FRMD4B: variants seen among roughly 807,000 people sequenced by gnomAD.
FRMD4B encodes the protein FERM domain containing 4B.
In FRMD4B, 74 loss-of-function variants were observed where a neutral mutation model predicts 141.5. That is an observed-to-expected ratio of 0.52 (90% CI 0.43 to 0.63). The LOEUF (loss-of-function observed/expected upper bound fraction) is 0.63, where lower values mean the gene tolerates loss of function less well. FRMD4B is among the 30% of genes least tolerant of loss of function. The pLI is 0.00. For missense variants in FRMD4B, 1,366 were observed against 1,253.4 expected (o/e 1.09, Z -1.36); for synonymous variants, 506 against 467.9 (o/e 1.08, Z -1.05).
chr3:69,208,007 G>A (rs868627762), intron 11 of FRMD4B, among the ~76,000 whole-genome samples: 1 of 152,026 alleles, frequency 6.6e-6, no homozygotes, highest in Non-Finnish European at 1.5e-5. Flanking sequence ...AGCCTCCCAA[G>A]TAGCTGGGAT....
chr3:69,193,848 C>G lies in FRMD4B; in HGVS notation c.1514G>C (p.Ser505Thr). ...EEDPALQELE[S>T]NFLIQQKLVE... ...CAGCTTTTGTTGTATTAGAAAATTA[C>G]TCTCCAGTTCTTGCAAAGCAGGATC... The change falls in exon 17 of 23, where the codon AGT (serine) becomes ACT (threonine). Residue 505 changes from serine to threonine, a missense_variant. Ser to Thr is a moderately conservative substitution (Grantham distance 58). Transcript: ENST00000398540. 1 of 1,611,432 alleles carries G rather than the reference C, an allele frequency of 6.2e-7. No individual in the cohort carries two copies. The highest frequency in any genetic ancestry group is 8.5e-7 in the Non-Finnish European group (1 of 1,178,096).
intron 16 of FRMD4B, among the ~76,000 whole-genome samples, chr3:69,194,541 T>C (rs530671303): frequency 2.6e-4 from 40 of 152,332 alleles, no homozygotes; most frequent in African/African-American, 9.4e-4. Flanking sequence ...ATACATTCTA[T>C]ATTGGCTAAC....
At chr3:69,510,521 T>A (rs1490436440) in intron 1 of FRMD4B, among the ~76,000 whole-genome samples, 2 of 152,178 alleles carry the variant, frequency 1.3e-5, no homozygotes, top group East Asian at 3.8e-4. Flanking sequence ...AAATCAAGGA[T>A]AAAAGCAATT....
intron 1 of FRMD4B, among the ~76,000 whole-genome samples, chr3:69,486,704 C>A (rs1706221568): frequency 6.6e-6 from 1 of 152,080 alleles, no homozygotes; most frequent in Non-Finnish European, 1.5e-5. Context: ...ATAAAAGAAG[C>A]CCCAAAGCAA....
At chr3:69,203,823 T>C (rs956557193) in intron 11 of FRMD4B, among the ~76,000 whole-genome samples, 2 of 152,200 alleles carry the variant, frequency 1.3e-5, no homozygotes, top group Non-Finnish European at 2.9e-5. Context: ...AGTTCACCTC[T>C]CCAATTTTAT....
chr3:69,174,468 G>A (rs1008470007), intron 22 of FRMD4B, among the ~76,000 whole-genome samples: 4 of 152,126 alleles, frequency 2.6e-5, no homozygotes, highest in African/African-American at 9.7e-5. Flanking sequence ...GTTAACAGCT[G>A]CTTTCTCTGG....
intron 1 of FRMD4B, chr3:69,535,903 CAG>C: frequency 2.4e-6 from 1 of 419,196 alleles, no homozygotes; most frequent in South Asian, 1.8e-5. Context: ...ACCTTGCTGA[CAG>C]TGGGTTTTGA....
chr3:69,210,564 A>C (rs2093065797), intron 11 of FRMD4B, among the ~76,000 whole-genome samples: 1 of 152,152 alleles, frequency 6.6e-6, no homozygotes, highest in Admixed American at 6.5e-5. Flanking sequence ...TTAAAAAGTA[A>C]AGCTGCTTAT....
rs529909229 is a variant in FRMD4B at position 69,404,391 on chromosome 3, G to A, written c.-1+28243C>T. ...TTCTTGAATATTAAGGATAGAAAAT[G>A]TAACTCTGGCTTTGAGATGTGATTA... On this transcript the variant is annotated intron_variant, in intron 2 of 5. Transcript: ENST00000459638. Among the ~76,000 whole-genome samples the A allele has an allele frequency of 2.6e-5, 4 of 152,324 alleles. No homozygotes were observed. The South Asian group carries it at 6.2e-4, about 24-fold the overall frequency.
chr3:69,243,735 C>G (rs1282154217), intron 7 of FRMD4B, among the ~76,000 whole-genome samples: 1 of 152,130 alleles, frequency 6.6e-6, no homozygotes, highest in African/African-American at 2.4e-5. Flanking sequence ...TGAATGAAAT[C>G]AGACATGTAC....
intron 4 of FRMD4B, among the ~76,000 whole-genome samples, chr3:69,296,199 G>A (rs990604069): frequency 2.6e-5 from 4 of 152,058 alleles, no homozygotes; most frequent in Admixed American, 6.5e-5. Flanking sequence ...ACAGACAAAC[G>A]CACACATCCT....
rs111633480 is a variant in FRMD4B, at chr3:69,209,556, G to T, written c.876+6707C>A. 2.6e-3 allele frequency among the ~76,000 whole-genome samples: 390 copies of T among 152,252 alleles called. 1 individual carries two copies. The highest frequency in any genetic ancestry group is 9.0e-3 in the African/African-American group (372 of 41,552). On this transcript the variant is annotated intron_variant, in intron 11 of 22. Transcript: ENST00000398540. Reference sequence around the variant, plus strand: ...GCTGAAAAAAATGAAGGCCCAGAAAGTTGAGTGACAGCTCTGAGTCAGCCA... The same window carrying T: ...GCTGAAAAAAATGAAGGCCCAGAAATTTGAGTGACAGCTCTGAGTCAGCCA...
intron 1 of FRMD4B, among the ~76,000 whole-genome samples, chr3:69,447,148 A>G (rs17005890): frequency 0.25 from 38,545 of 152,106 alleles, 5,556 homozygotes; most frequent in East Asian, 0.47. Flanking sequence ...TGACTTGCAC[A>G]GTGAGCTACA....
At chr3:69,352,380 T>C (rs1286094357) in intron 1 of FRMD4B, among the ~76,000 whole-genome samples, 2 of 152,228 alleles carry the variant, frequency 1.3e-5, no homozygotes, top group South Asian at 2.1e-4. Context: ...TACACTATTA[T>C]GTTGTTACAT....
At chr3:69,231,736 T>C (rs2093307170) in intron 7 of FRMD4B, among the ~76,000 whole-genome samples, 1 of 152,228 alleles carries the variant, frequency 6.6e-6, no homozygotes, top group Admixed American at 6.5e-5. Context: ...TGCCCTGTTA[T>C]GGGGAGGTGC....
chr3:69,439,108 T>C (rs1043668161), intron 1 of FRMD4B, among the ~76,000 whole-genome samples: 1 of 152,086 alleles, frequency 6.6e-6, no homozygotes, highest in African/African-American at 2.4e-5. Context: ...TTCTATGATT[T>C]TGTAATTTTA....
At chr3:69,437,821 T>C (rs1705283967) in intron 1 of FRMD4B, among the ~76,000 whole-genome samples, 1 of 128,672 alleles carries the variant, frequency 7.8e-6, no homozygotes, top group South Asian at 2.2e-4. Context: ...ATATACTATA[T>C]ATATTTATAT....
At chr3:69,221,824 A>C in intron 9 of FRMD4B, 34 bp downstream of exon 9, 1 of 1,144,878 alleles carries the variant, frequency 8.7e-7, no homozygotes, top group Non-Finnish European at 1.3e-6. Flanking sequence ...GAGAGATATT[A>C]AAATTATATC....
chr3:69,326,561 T>C (rs1203775834), intron 1 of FRMD4B, among the ~76,000 whole-genome samples: 2 of 152,236 alleles, frequency 1.3e-5, no homozygotes, highest in African/African-American at 4.8e-5. Flanking sequence ...TGCTTTTACA[T>C]ACATTTTCCC....
Sources: gnomAD v4.1 joint callset for allele counts (sites outside exome capture counted in the v4.1 genomes callset) on GRCh38, gnomAD v4.1.1 for gene constraint, MANE v1.5 for transcripts, NCBI Gene and HGNC (gene_info 2026-07-23, HGNC 2026-07-21) for gene names.